Variants in OASL observed in about 807,000 individuals in gnomAD.
The protein encoded by OASL is 2'-5'-oligoadenylate synthase-like protein.
OASL carries 28 observed loss-of-function variants against 35.3 expected under a neutral mutation model. That is an observed-to-expected ratio of 0.79 (90% CI 0.59 to 1.09). OASL has a LOEUF of 1.09. OASL is among the 50% of genes least tolerant of loss of function. The pLI, the probability that OASL is intolerant of heterozygous loss-of-function variation, is 0.00. For missense variants in OASL, 620 were observed against 635.2 expected (o/e 0.98, Z 0.26); for synonymous variants, 252 against 254.6 (o/e 0.99, Z 0.10).
At chr12:121,020,612 G>A in exon 6 of OASL, 1 of 1,613,200 alleles carries the variant, frequency 6.2e-7, no homozygotes, top group South Asian at 1.1e-5. Flanking sequence ...GGATGAGAGT[G>A]TCACTGTCTT....
chr12:121,021,466 C>T (rs1869233040), intron 5 of OASL, among the ~76,000 whole-genome samples: 1 of 152,208 alleles, frequency 6.6e-6, no homozygotes, highest in Non-Finnish European at 1.5e-5. Context: ...CTGGAGAGCA[C>T]CTGGAAAATG....
At chr12:121,034,631 T>C (rs1009147746) in intron 1 of OASL, among the ~76,000 whole-genome samples, 3 of 152,082 alleles carry the variant, frequency 2.0e-5, no homozygotes, top group Non-Finnish European at 4.4e-5. Flanking sequence ...AGCCATAGGC[T>C]GTGAAATGGA....
At chr12:121,031,594 G>C (rs760378642) in exon 3 of OASL, 7 of 1,613,396 alleles carry the variant, frequency 4.3e-6, no homozygotes, top group Non-Finnish European at 4.2e-6. Context: ...TCAGGGGGTG[G>C]CTGGGAGTTG....
At chr12:121,035,269 G>A (rs577836750) in intron 1 of OASL, among the ~76,000 whole-genome samples, 4 of 151,998 alleles carry the variant, frequency 2.6e-5, no homozygotes, top group Admixed American at 2.6e-4. Context: ...GCTCATGCCT[G>A]TAATCTCAGC....
At chr12:121,031,360 T>G in intron 3 of OASL, 82 bp downstream of exon 3, 1 of 1,404,334 alleles carries the variant, frequency 7.1e-7, no homozygotes. Context: ...GGCTGCAGCT[T>G]CCTGAGATGA....
chr12:121,037,227 C>T (rs1869990072), intron 1 of OASL, among the ~76,000 whole-genome samples: 1 of 151,976 alleles, frequency 6.6e-6, no homozygotes, highest in Non-Finnish European at 1.5e-5. Context: ...TATCTCTCAC[C>T]CTCTCTGTGC....
chr12:121,038,156 A>C (rs1870030225), intron 1 of OASL, among the ~76,000 whole-genome samples: 1 of 152,058 alleles, frequency 6.6e-6, no homozygotes, highest in Non-Finnish European at 1.5e-5. Context: ...TACAACTAAC[A>C]CTCATATACC....
rs1030985799 is a variant in OASL at position 121,021,140 on chromosome 12, T to C, written c.1048-82A>G. ...CAAATGTTCCCTTCATCTGTCCTTATCTTTACAATAGTAGCAGCAGCAGCG... is the reference window on the plus strand; with the variant it reads ...CAAATGTTCCCTTCATCTGTCCTTACCTTTACAATAGTAGCAGCAGCAGCG... On this transcript the variant is annotated intron_variant, in intron 5 of 5. Coordinates refer to ENST00000257570, the Ensembl canonical transcript of OASL. 17 of 1,396,386 alleles carry C rather than the reference T, an allele frequency of 1.2e-5. No homozygotes were observed. In the African/African-American group the frequency reaches 2.2e-4, roughly 18 times the overall value. 86.5% of individuals were successfully genotyped at this position (1,396,386 alleles called of 1,614,324 possible).
At chr12:121,036,402 T>C (rs1007486044) in intron 1 of OASL, among the ~76,000 whole-genome samples, 7 of 152,206 alleles carry the variant, frequency 4.6e-5, no homozygotes, top group Non-Finnish European at 8.8e-5. Context: ...CACTGGGGAT[T>C]GCTACCATTT....
chr12:121,021,033 A>G (rs544611730), exon 6 of OASL: 1 of 1,601,010 alleles, frequency 6.2e-7, no homozygotes, highest in East Asian at 2.2e-5. Flanking sequence ...CCTCTGCTCC[A>G]CTGTCAAGTG....
At chr12:121,028,147 T>C (rs1271134862) in intron 3 of OASL, among the ~76,000 whole-genome samples, 1 of 152,200 alleles carries the variant, frequency 6.6e-6, no homozygotes, top group Non-Finnish European at 1.5e-5. Flanking sequence ...ATTGAGCTGC[T>C]GAGAAATGTT....
At position 121,020,815 on chromosome 12, in the gene OASL, G is replaced by A; in HGVS notation, c.1291C>T (p.Pro431Ser). 1 of 1,614,122 alleles carries A rather than the reference G, an allele frequency of 6.2e-7. No homozygotes were observed. The stretch of plus-strand genomic sequence containing the variant: ...TTCACGAAGACCTGGATCTCGGAGG[G>A]GATGGTCTCCAGCAGATAGATGTGA... The change falls in exon 6 of 6, where the codon CCC becomes TCC. Residue 431 changes from proline (P) to serine (S), a missense_variant. Transcript: ENST00000257570.
intron 5 of OASL, among the ~76,000 whole-genome samples, chr12:121,022,631 T>C (rs1299494213): frequency 6.6e-6 from 1 of 152,244 alleles, no homozygotes; most frequent in East Asian, 1.9e-4. Context: ...TGTACCTTAC[T>C]GGAGCCTCTG....
At chr12:121,038,648 G>T in intron 1 of OASL, 126 bp downstream of exon 1, 1 of 816,878 alleles carries the variant, frequency 1.2e-6, no homozygotes. Flanking sequence ...AGGTGGGATG[G>T]GGTATTCTGA....
At chr12:121,035,440 G>A (rs951724259) in intron 1 of OASL, among the ~76,000 whole-genome samples, 2 of 151,932 alleles carry the variant, frequency 1.3e-5, no homozygotes, top group African/African-American at 2.4e-5. Context: ...CAGGAGAATC[G>A]CTTGAACCCA....
intron 3 of OASL, 133 bp downstream of exon 3, chr12:121,031,309 G>T: frequency 1.3e-6 from 1 of 787,452 alleles, no homozygotes; most frequent in Non-Finnish European, 2.0e-6. Context: ...CATTTCAAAA[G>T]ACTAGCATTC....
chr12:121,035,460 G>A (rs1321335318), intron 1 of OASL, among the ~76,000 whole-genome samples: 1 of 151,996 alleles, frequency 6.6e-6, no homozygotes, highest in African/African-American at 2.4e-5. Context: ...AGGAGGCAGA[G>A]GTTGTGGTGA....
At chr12:121,027,265 G>A (rs1367809868) in intron 4 of OASL, among the ~76,000 whole-genome samples, 2 of 151,394 alleles carry the variant, frequency 1.3e-5, no homozygotes, top group Non-Finnish European at 2.9e-5. Flanking sequence ...GAGTCTCCAA[G>A]ATTCTTTCCA....
chr12:121,020,552 C>T, exon 6 of OASL: 3 of 1,592,566 alleles, frequency 1.9e-6, no homozygotes, highest in Non-Finnish European at 2.6e-6. Flanking sequence ...AGAAGTCTCC[C>T]AGAGAAAACT....
Sources: allele counts gnomAD v4.1 joint callset (sites outside exome capture counted in the v4.1 genomes callset), GRCh38; gene constraint gnomAD v4.1.1; transcripts MANE v1.5; gene names NCBI Gene and HGNC (gene_info 2026-07-23, HGNC 2026-07-21).